MANBAL: variants seen among roughly 807,000 people sequenced by gnomAD.
The protein encoded by MANBAL is protein MANBAL.
A neutral mutation model predicts 6.4 loss-of-function variants in MANBAL; 1 was observed. The ratio of observed to expected loss-of-function variants is 0.16; its 90% CI spans 0.06 to 0.74. The LOEUF is 0.74. Among genes scored for constraint, MANBAL ranks in the 30% least tolerant of loss-of-function variants. MANBAL has a pLI of 0.78. For missense variants in MANBAL, 100 were observed against 107.8 expected, an observed-to-expected ratio of 0.93 and a Z score of 0.32; for synonymous variants, 47 against 45.8, an observed-to-expected ratio of 1.03 and a Z score of -0.10.
At chr20:37,293,385 A>C (rs970276099) in intron 1 of MANBAL, among the ~76,000 whole-genome samples, 2 of 152,208 alleles carry the variant, frequency 1.3e-5, no homozygotes, top group African/African-American at 4.8e-5. Context: ...TAGATCCCTC[A>C]CATGCACAGT....
intron 2 of MANBAL, among the ~76,000 whole-genome samples, chr20:37,301,645 A>C (rs1159779588): frequency 6.6e-6 from 1 of 152,210 alleles, no homozygotes; most frequent in Non-Finnish European, 1.5e-5. Context: ...GACTCTGCTG[A>C]AGATGTAGTG....
At chr20:37,303,429 G>A (rs140145186) in intron 2 of MANBAL, among the ~76,000 whole-genome samples, 43 of 152,260 alleles carry the variant, frequency 2.8e-4, no homozygotes, top group African/African-American at 1.0e-3. Context: ...GTTCATACTG[G>A]TATTTCCAAT....
At chr20:37,302,811 A>G (rs1417035924) in intron 2 of MANBAL, among the ~76,000 whole-genome samples, 1 of 141,454 alleles carries the variant, frequency 7.1e-6, no homozygotes, top group East Asian at 2.0e-4. Context: ...TTTGTTTTTT[A>G]TGTTCAGTGG....
intron 1 of MANBAL, among the ~76,000 whole-genome samples, chr20:37,300,428 GT>G (rs759440946): frequency 1.8e-4 from 28 of 152,160 alleles, no homozygotes; most frequent in Non-Finnish European, 3.1e-4. Flanking sequence ...ATGCCCTTAA[GT>G]TTTTTCCAAA....
intron 2 of MANBAL, among the ~76,000 whole-genome samples, chr20:37,305,136 C>G (rs527516648): frequency 6.6e-6 from 1 of 152,308 alleles, no homozygotes; most frequent in Admixed American, 6.5e-5. Context: ...CGTTCTTCCA[C>G]CCACAATTGT....
At chr20:37,298,496 C>T (rs374180041) in intron 1 of MANBAL, among the ~76,000 whole-genome samples, 3 of 152,170 alleles carry the variant, frequency 2.0e-5, no homozygotes, top group Admixed American at 1.3e-4. Context: ...AATATTTGTC[C>T]TTTTGTGTCT....
intron 2 of MANBAL, among the ~76,000 whole-genome samples, chr20:37,312,524 T>C (rs1250251468): frequency 6.6e-6 from 1 of 152,228 alleles, no homozygotes; most frequent in East Asian, 1.9e-4. Flanking sequence ...CCTGAGTGTC[T>C]GTTCCTTTGT....
intron 1 of MANBAL, among the ~76,000 whole-genome samples, chr20:37,294,355 G>A (rs1164922918): frequency 6.6e-6 from 1 of 152,220 alleles, no homozygotes; most frequent in African/African-American, 2.4e-5. Flanking sequence ...GACTGTTAAA[G>A]TAGCCTCTTC....
intron 2 of MANBAL, among the ~76,000 whole-genome samples, chr20:37,307,199 C>T (rs1034055730): frequency 6.6e-6 from 1 of 152,136 alleles, no homozygotes; most frequent in Non-Finnish European, 1.5e-5. Context: ...CTCCTGGGCT[C>T]AGGTGATTCT....
intron 2 of MANBAL, among the ~76,000 whole-genome samples, chr20:37,303,024 T>G (rs1211756212): frequency 4.6e-5 from 7 of 152,234 alleles, no homozygotes; most frequent in African/African-American, 1.7e-4. Context: ...GCAATTCTCC[T>G]GCTTCAGCCT....
intron 2 of MANBAL, among the ~76,000 whole-genome samples, chr20:37,310,867 G>A (rs1016803068): frequency 2.6e-5 from 4 of 152,198 alleles, no homozygotes; most frequent in Admixed American, 6.5e-5. Flanking sequence ...CAGGGCTGTC[G>A]GCTTTGTAGT....
chr20:37,296,326 C>T (rs1176642783), intron 1 of MANBAL, among the ~76,000 whole-genome samples: 3 of 152,190 alleles, frequency 2.0e-5, no homozygotes, highest in African/African-American at 4.8e-5. Flanking sequence ...TGTTTCATAA[C>T]ATTCCAAAAA....
intron 2 of MANBAL, among the ~76,000 whole-genome samples, chr20:37,313,541 C>A (rs1298690418): frequency 6.6e-6 from 1 of 151,770 alleles, no homozygotes; most frequent in Admixed American, 6.6e-5. Context: ...CCCATCTCTA[C>A]TAAAAATATA....
At chr20:37,302,283 T>C (rs1313682016) in intron 2 of MANBAL, 1 of 1,550,444 alleles carries the variant, frequency 6.4e-7, no homozygotes, top group Admixed American at 2.0e-5. Flanking sequence ...TCAACAGGAG[T>C]TCCATGTAGA....
In MANBAL at chr20:37,312,808, G is replaced by A. The variant is rs1883685; in HGVS notation, c.151-3500G>A. ...GGACAAGCATGTGCCACCACGCCCA[G>A]CTGTTGTTATTATTGGCAGCTATGC... On this transcript the variant is annotated intron_variant, in intron 2 of 2. Coordinates refer to ENST00000373606, the MANE Select transcript of MANBAL (RefSeq NM_001003897.2). Among the ~76,000 whole-genome samples the A allele has an allele frequency of 7.4e-3, 1,131 of 152,332 alleles. 15 individuals carry two copies. The highest frequency in any genetic ancestry group is 0.025 in the African/African-American group (1,024 of 41,566).
Position 37,293,765 on chromosome 20 carries a change from T to C in MANBAL, c.-57+4079T>C, listed in dbSNP as rs540222173. The stretch of plus-strand genomic sequence containing the variant: ...CCGATCCCCTGTGGGAAACAACTTA[T>C]CAGCTAGAGTACAGTGTGTACGTGC... On this transcript the variant is annotated intron_variant, in intron 1 of 2. Transcript: ENST00000373606. Among the ~76,000 whole-genome samples, 5 of 152,350 alleles carry C rather than the reference T, an allele frequency of 3.3e-5. No homozygotes were observed. In the South Asian group the frequency reaches 8.3e-4, roughly 25 times the overall value.
rs1206228711 is a variant in MANBAL at position 37,301,331 on chromosome 20, G to A, written c.68G>A (p.Arg23Gln). Residue 23 changes from arginine to glutamine, a missense_variant, in exon 2 of 3, where the codon CGG becomes CAG. Transcript: ENST00000373606. Reference sequence around the variant, plus strand: ...CCCACTTTCCTGGAGAACCTGCTACGGTACGGACTCTTCCTGGGAGCCATC... The same window carrying A: ...CCCACTTTCCTGGAGAACCTGCTACAGTACGGACTCTTCCTGGGAGCCATC... ...PEPTFLENLL[R>Q]YGLFLGAIFQ... 15 of 1,613,702 alleles carry A rather than the reference G, an allele frequency of 9.3e-6. No homozygotes were observed. The highest frequency in any genetic ancestry group is 1.2e-5 in the Non-Finnish European group (14 of 1,179,740).
intron 1 of MANBAL, among the ~76,000 whole-genome samples, chr20:37,300,976 C>G (rs1277701909): frequency 6.6e-6 from 1 of 151,968 alleles, no homozygotes; most frequent in Non-Finnish European, 1.5e-5. Context: ...AACCCTGTCT[C>G]TACTAAAAAT....
intron 1 of MANBAL, chr20:37,298,613 T>C (rs1452510268): frequency 6.6e-6 from 1 of 152,242 alleles, no homozygotes; most frequent in African/African-American, 2.4e-5. Flanking sequence ...TAATACTCCA[T>C]TGTATGTATA....
Sources: gnomAD v4.1 joint callset for allele counts (sites outside exome capture counted in the v4.1 genomes callset) on GRCh38, gnomAD v4.1.1 for gene constraint, MANE v1.5 for transcripts, NCBI Gene and HGNC (gene_info 2026-07-23, HGNC 2026-07-21) for gene names.